COL11A1: variants seen among roughly 807,000 people sequenced by gnomAD.
COL11A1 encodes the protein collagen type XI alpha 1 chain, also known as collagen alpha-1(XI) chain.
Under a neutral mutation model 265.2 loss-of-function variants are expected in COL11A1, and 74 were observed. That is an observed-to-expected ratio of 0.28 (90% confidence interval 0.23 to 0.34). COL11A1 has a LOEUF of 0.34. COL11A1 is among the 10% of genes least tolerant of loss of function. The pLI, the probability that COL11A1 is intolerant of heterozygous loss-of-function variation, is 1.00. For missense variants in COL11A1, 2,165 were observed against 2,263.6 expected, an observed-to-expected ratio of 0.96 and a Z score of 0.88; for synonymous variants, 816 against 727.6, an observed-to-expected ratio of 1.12 and a Z score of -1.96.
At chr1:102,929,811 C>T (rs1309919137) in intron 46 of COL11A1, among the ~76,000 whole-genome samples, 2 of 152,058 alleles carry the variant, frequency 1.3e-5, no homozygotes, top group Non-Finnish European at 1.5e-5. Flanking sequence ...CCTTCACATC[C>T]TTGTAAGTTG....
At chr1:102,965,149 A>G (rs1256778157) in intron 38 of COL11A1, among the ~76,000 whole-genome samples, 1 of 152,204 alleles carries the variant, frequency 6.6e-6, no homozygotes, top group Non-Finnish European at 1.5e-5. Flanking sequence ...CTAGAAAAAG[A>G]TAATGGCCCA....
intron 11 of COL11A1, among the ~76,000 whole-genome samples, chr1:103,016,265 A>G (rs1666565314): frequency 8.2e-6 from 1 of 121,452 alleles, no homozygotes; most frequent in Admixed American, 8.6e-5. Flanking sequence ...TTTAACATAG[A>G]TAATGACTAA....
rs72987812 is a variant in COL11A1, at chr1:103,031,387, G to A, written c.652-143C>T. 300 of 1,023,614 alleles carry A rather than the reference G, an allele frequency of 2.9e-4. No individual in the cohort carries two copies. The African/African-American group carries it at 4.4e-3, about 15-fold the overall frequency. 63.4% of individuals were successfully genotyped at this position (1,023,614 alleles called of 1,614,324 possible). A position where few individuals can be genotyped will look rare whatever the true frequency, so the allele number is the denominator to read the frequency against. ...TACTTATATTTCAATGTTAAGAAGA[G>A]TCTTATAGGATTGAAAGAGAAACAC... On this transcript the variant is annotated intron_variant, in intron 4 of 66. Transcript: ENST00000370096.
chr1:103,098,397 C>A (rs1030817116), intron 1 of COL11A1, among the ~76,000 whole-genome samples: 1 of 151,780 alleles, frequency 6.6e-6, no homozygotes, highest in Admixed American at 6.6e-5. Context: ...GGTTTGTAAA[C>A]CCCTGCTTCT....
At chr1:103,004,774 T>A in intron 18 of COL11A1, 113 bp from the exon 19 acceptor site, 3 of 908,446 alleles carry the variant, frequency 3.3e-6, no homozygotes, top group Non-Finnish European at 5.1e-6. Context: ...GGAAAATATA[T>A]GCTTTATTTA....
At chr1:102,949,773 G>A (rs1659696165) in intron 41 of COL11A1, among the ~76,000 whole-genome samples, 1 of 151,980 alleles carries the variant, frequency 6.6e-6, no homozygotes, top group Non-Finnish European at 1.5e-5. Context: ...TTGACTCATT[G>A]TACCCATACA....
intron 41 of COL11A1, among the ~76,000 whole-genome samples, chr1:102,956,394 A>G (rs766227673): frequency 1.5e-4 from 23 of 152,178 alleles, no homozygotes; most frequent in Non-Finnish European, 3.2e-4. Flanking sequence ...ATGAATCAAT[A>G]TAACTTCAGT....
At chr1:102,879,326 T>C (rs562844622) in intron 66 of COL11A1, among the ~76,000 whole-genome samples, 2 of 152,290 alleles carry the variant, frequency 1.3e-5, no homozygotes, top group South Asian at 4.1e-4. Flanking sequence ...GATTCCTTTA[T>C]CTGTCATTTT....
At position 102,886,814 on chromosome 1, in the gene COL11A1, G is replaced by C. The variant is rs1449189271; in HGVS notation, c.4851C>G (p.Phe1617Leu). ...CATGTATTATTTACATACCATCTGG[G>C]AAGTCAGGATGGCTGAGTTGCAGGT... ...CKDLQLSHPD[F>L]PDGEYWIDPN... Residue 1617 changes from phenylalanine (F) to leucine (L), a missense_variant, in exon 63 of 67, where the codon TTC (phenylalanine) becomes TTG (leucine). Physicochemically the swap from Phe to Leu is conservative, Grantham distance 22 (BLOSUM62 0). Coordinates refer to ENST00000370096, the MANE Select transcript of COL11A1 (RefSeq NM_001854.4). 2 of 1,613,854 alleles carry C rather than the reference G, an allele frequency of 1.2e-6. No individual in the cohort carries two copies. The highest frequency in any genetic ancestry group is 2.2e-5 in the South Asian group (2 of 91,080).
Position 102,914,714 on chromosome 1 carries a change from T to G in COL11A1, c.3914A>C (p.Lys1305Thr). ...ACCAAACTCACTTACCGGGTTACCC[T>G]TAGGGCCATCATCACCTGGTGGCCC... ...AKGPPGDDGP[K>T]GNPGPVGFPG... Residue 1305 changes from lysine to threonine, a missense_variant, in exon 51 of 67, where the codon AAG (lysine) becomes ACG (threonine). Coordinates refer to ENST00000370096, the MANE Select transcript of COL11A1 (RefSeq NM_001854.4). 2 of 1,612,332 alleles carry G rather than the reference T, an allele frequency of 1.2e-6. No individual in the cohort carries two copies. Among genetic ancestry groups the G allele is most frequent in the Non-Finnish European group, 1.7e-6 (2 of 1,179,042 alleles).
rs1674871206 is a variant in COL11A1, at chr1:103,108,246, T to C, written c.-68A>G. The stretch of plus-strand genomic sequence containing the variant: ...TTGCGACTGCAGACCAACTTCGTCC[T>C]TTCCAAGGTATCGCCAGGGATGTTT... On this transcript the variant is annotated 5_prime_UTR_variant, in exon 1 of 67. Transcript: ENST00000370096. 8.1e-7 allele frequency: 1 copy of C among 1,229,646 alleles called. No homozygotes were observed. The highest frequency in any genetic ancestry group is 1.7e-5 in the Admixed American group (1 of 57,324). 76.2% of individuals were successfully genotyped at this position (1,229,646 alleles called of 1,614,324 possible).
At chr1:103,047,634 C>T (rs79105340) in intron 4 of COL11A1, among the ~76,000 whole-genome samples, 26,909 of 152,054 alleles carry the variant, frequency 0.18, 2,466 homozygotes, top group Middle Eastern at 0.2. Flanking sequence ...GAACTTCCAA[C>T]GCTATGTTGA....
At chr1:103,058,234 T>G (rs1008037523) in intron 4 of COL11A1, among the ~76,000 whole-genome samples, 2 of 152,184 alleles carry the variant, frequency 1.3e-5, no homozygotes, top group African/African-American at 4.8e-5. Flanking sequence ...GATTTGATCT[T>G]TTCTTCTGAA....
Position 102,940,855 on chromosome 1 carries a change from C to T in COL11A1, c.3277-421G>A, listed in dbSNP as rs1658650523. ...ACTTTGCCATATGCTTTATATGTTT[C>T]ATATGTAACTTTCTTATTTTTAAGT... On this transcript the variant is annotated intron_variant, in intron 42 of 66. Coordinates refer to ENST00000370096, the MANE Select transcript of COL11A1 (RefSeq NM_001854.4). 2.0e-5 allele frequency among the ~76,000 whole-genome samples: 3 copies of T among 152,102 alleles called. 1 individual carries two copies. In the South Asian group the frequency reaches 6.2e-4, roughly 32 times the overall value.
chr1:102,925,075 A>G (rs1036771013), intron 46 of COL11A1, among the ~76,000 whole-genome samples: 4 of 152,106 alleles, frequency 2.6e-5, no homozygotes, highest in Non-Finnish European at 5.9e-5. Context: ...AGACATAAAA[A>G]TACAATGTAA....
At chr1:103,049,303 C>T (rs375268998) in intron 4 of COL11A1, among the ~76,000 whole-genome samples, 2 of 152,024 alleles carry the variant, frequency 1.3e-5, no homozygotes, top group Admixed American at 6.6e-5. Context: ...TGCATATATA[C>T]TTAGGATAGT....
At chr1:103,052,062 A>T (rs1226104347) in intron 4 of COL11A1, among the ~76,000 whole-genome samples, 1 of 152,122 alleles carries the variant, frequency 6.6e-6, no homozygotes, top group Admixed American at 6.5e-5. Context: ...ATTACCTCTC[A>T]TATCCTAACA....
rs546606270 is a variant in COL11A1, at chr1:103,046,238, G to T, written c.652-14994C>A. Among the ~76,000 whole-genome samples the T allele has an allele frequency of 2.2e-3, 266 of 119,538 alleles. 2 individuals are homozygous for T. Among genetic ancestry groups the T allele is most frequent in the African/African-American group, 8.0e-3 (254 of 31,708 alleles). The allele number at this position is 119,538 out of a possible 152,430, so 78.4% of individuals were successfully genotyped here. Reference sequence around the variant, plus strand: ...GAACTAGTTTACAGTCCCACCAACAGTGTAAAAGTGTTCCTATTTCTCCAC... The same window carrying T: ...GAACTAGTTTACAGTCCCACCAACATTGTAAAAGTGTTCCTATTTCTCCAC... On this transcript the variant is annotated intron_variant, in intron 4 of 66. Coordinates refer to ENST00000370096, the MANE Select transcript of COL11A1 (RefSeq NM_001854.4).
chr1:103,002,709 T>C, intron 22 of COL11A1, 38 bp downstream of exon 22: 1 of 1,579,094 alleles, frequency 6.3e-7, no homozygotes, highest in Non-Finnish European at 8.7e-7. Context: ...AGGGCTTATA[T>C]TCAAATATGA....
Sources: gnomAD v4.1 joint callset for allele counts (sites outside exome capture counted in the v4.1 genomes callset) on GRCh38, gnomAD v4.1.1 for gene constraint, MANE v1.5 for transcripts, NCBI Gene and HGNC (gene_info 2026-07-23, HGNC 2026-07-21) for gene names.